CLASP1: variants seen among roughly 807,000 people sequenced by gnomAD.
CLASP1 encodes the protein CLIP-associating protein 1.
Under a neutral mutation model 192.3 loss-of-function variants are expected in CLASP1, and 38 were observed. That is an observed-to-expected ratio of 0.20 (90% CI 0.15 to 0.26). The LOEUF (loss-of-function observed/expected upper bound fraction) is 0.26, where lower values mean the gene tolerates loss of function less well. Ranked by LOEUF, CLASP1 falls within the 10% of genes least tolerant of loss-of-function variation. The probability of loss-of-function intolerance (pLI) is 1.00; values close to 1 mark genes in which losing one functional copy is unlikely to be tolerated. For missense variants in CLASP1, 1,433 were observed against 1,932.5 expected, an observed-to-expected ratio of 0.74 and a Z score of 4.85; for synonymous variants, 691 against 712.8, an observed-to-expected ratio of 0.97 and a Z score of 0.49.
intron 8 of CLASP1, among the ~76,000 whole-genome samples, chr2:121,492,674 T>TAAAAAAAAAAAAAAAAAAAAAAAA: frequency 8.1e-6 from 1 of 123,854 alleles, no homozygotes; most frequent in Non-Finnish European, 1.9e-5. Flanking sequence ...TTAAAAAAAA[T>TAAAAAAAAAAAAAAAAAAAAAAAA]AAAAAAAAAA....
intron 19 of CLASP1, among the ~76,000 whole-genome samples, chr2:121,434,756 G>T (rs2149680756): frequency 6.6e-6 from 1 of 151,096 alleles, no homozygotes; most frequent in East Asian, 2.0e-4. Context: ...TTGGGAGGCT[G>T]AGGCAGGTGG....
At chr2:121,647,625 T>G (rs2073413042) in intron 1 of CLASP1, among the ~76,000 whole-genome samples, 1 of 152,188 alleles carries the variant, frequency 6.6e-6, no homozygotes, top group South Asian at 2.1e-4. Context: ...AAAAAAAAGT[T>G]TACCTCTTTT....
At chr2:121,391,388 G>A (rs1214841387) in intron 30 of CLASP1, among the ~76,000 whole-genome samples, 6 of 152,216 alleles carry the variant, frequency 3.9e-5, no homozygotes, top group Admixed American at 3.9e-4. Flanking sequence ...GAATCAGAGA[G>A]AAGCAGAAAG....
chr2:121,632,859 G>A (rs1576628056), intron 1 of CLASP1, among the ~76,000 whole-genome samples: 1 of 150,536 alleles, frequency 6.6e-6, no homozygotes, highest in South Asian at 2.1e-4. Flanking sequence ...TTGCGCCATT[G>A]CACTCTAGCC....
intron 30 of CLASP1, 52 bp from the exon 32 acceptor site, chr2:121,387,958 AT>A: frequency 7.3e-7 from 1 of 1,368,342 alleles, no homozygotes; most frequent in South Asian, 1.4e-5. Flanking sequence ...GGTCATCAAA[AT>A]GTTGATTAAA....
chr2:121,564,429 G>T (rs1236257958), intron 2 of CLASP1, among the ~76,000 whole-genome samples: 1 of 152,162 alleles, frequency 6.6e-6, no homozygotes, highest in East Asian at 1.9e-4. Flanking sequence ...AACCACTGAA[G>T]AAGAATTATC....
intron 2 of CLASP1, among the ~76,000 whole-genome samples, chr2:121,593,788 A>AGATCGTGAGG (rs2062739177): frequency 6.6e-6 from 1 of 151,394 alleles, no homozygotes. Flanking sequence ...AGGTGGGTGG[A>AGATCGTGAGG]TCACCTGAGG....
At chr2:121,581,260 C>CTTTTGTTTTTTTTTT (rs2061112395) in intron 2 of CLASP1, among the ~76,000 whole-genome samples, 1 of 57,680 alleles carries the variant, frequency 1.7e-5, no homozygotes, top group Admixed American at 2.5e-4. Flanking sequence ...GCCTTTTGTT[C>CTTTTGTTTTTTTTTT]TTTTTTTTTT....
intron 8 of CLASP1, among the ~76,000 whole-genome samples, chr2:121,471,074 G>A (rs1283290445): frequency 1.3e-5 from 2 of 151,522 alleles, no homozygotes; most frequent in Non-Finnish European, 2.9e-5. Context: ...CTTGAGGCCA[G>A]GAGTTCAAGA....
chr2:121,395,997 T>C (rs1388982985), intron 30 of CLASP1, among the ~76,000 whole-genome samples: 2 of 152,244 alleles, frequency 1.3e-5, no homozygotes, highest in Non-Finnish European at 2.9e-5. Flanking sequence ...CTTGTCTGTG[T>C]ATTAAAAATC....
intron 35 of CLASP1, among the ~76,000 whole-genome samples, chr2:121,366,717 T>C (rs1278435389): frequency 6.6e-6 from 1 of 152,254 alleles, no homozygotes; most frequent in Non-Finnish European, 1.5e-5. Flanking sequence ...AGGTTCTAAT[T>C]ACTCATTCAA....
chr2:121,641,599 G>T (rs1334971427), intron 1 of CLASP1, among the ~76,000 whole-genome samples: 1 of 152,180 alleles, frequency 6.6e-6, no homozygotes, highest in Non-Finnish European at 1.5e-5. Context: ...GAGACCACCT[G>T]CATGTAATAC....
chr2:121,478,711 CACACA>C (rs1559366012), intron 8 of CLASP1, among the ~76,000 whole-genome samples: 1 of 61,454 alleles, frequency 1.6e-5, no homozygotes, highest in African/African-American at 6.2e-5. Flanking sequence ...ACACCCCACA[CACACA>C]ACCACACACA....
chr2:121,571,430 A>C (rs750119392), intron 2 of CLASP1, among the ~76,000 whole-genome samples: 3 of 152,216 alleles, frequency 2.0e-5, no homozygotes, highest in Non-Finnish European at 2.9e-5. Context: ...TTTCATAAGC[A>C]GTTACTATAT....
At chr2:121,490,802 A>G (rs887583010) in intron 8 of CLASP1, among the ~76,000 whole-genome samples, 1 of 152,234 alleles carries the variant, frequency 6.6e-6, no homozygotes, top group African/African-American at 2.4e-5. Context: ...ATTCGTGACT[A>G]TGGAAACACT....
Position 121,367,786 on chromosome 2 carries a change from C to G in CLASP1, c.3688G>C (p.Gly1230Arg), listed in dbSNP as rs377065133. 43 of 1,613,760 alleles carry G rather than the reference C, an allele frequency of 2.7e-5. No individual in the cohort carries two copies. In the Admixed American group the frequency reaches 5.2e-4, roughly 19 times the overall value. ...CGGCCTCCTTCTACTTCACTACCCC[C>G]CCGGCCCTCAGTGGCAGGGGAGGCA... is the stretch of plus-strand genomic sequence containing the variant. The change falls in exon 35 of 40, where the codon GGG becomes CGG. Residue 1230 changes from glycine to arginine, a missense_variant. This residue lies in a region of CLASP1 where 336 missense variants were observed against 358.0 expected (regional missense o/e 0.94). Coordinates refer to ENST00000263710, the Ensembl canonical transcript of CLASP1.
intron 25 of CLASP1, among the ~76,000 whole-genome samples, chr2:121,405,022 C>T (rs1295245186): frequency 6.6e-6 from 1 of 152,114 alleles, no homozygotes; most frequent in East Asian, 1.9e-4. Context: ...AAATAAGGTA[C>T]TCTGGGCCAG....
At chr2:121,509,865 G>T (rs2094069762) in intron 7 of CLASP1, among the ~76,000 whole-genome samples, 2 of 152,206 alleles carry the variant, frequency 1.3e-5, no homozygotes, top group Non-Finnish European at 2.9e-5. Context: ...TTAAAAAAAA[G>T]ATTTCAAATG....
chr2:121,342,125 A>G (rs1405370214), intron 39 of CLASP1, among the ~76,000 whole-genome samples: 1 of 146,634 alleles, frequency 6.8e-6, no homozygotes, highest in Non-Finnish European at 1.5e-5. Context: ...TAAAAAAAGA[A>G]TTTTTTTTTT....
Sources: allele counts gnomAD v4.1 joint callset (sites outside exome capture counted in the v4.1 genomes callset), GRCh38; gene constraint gnomAD v4.1.1; regional missense constraint gnomAD v4.1.1; transcripts MANE v1.5; gene names NCBI Gene and HGNC (gene_info 2026-07-23, HGNC 2026-07-21).